Variants in FHOD3 observed in about 807,000 individuals in gnomAD.
FHOD3 encodes FH1/FH2 domain-containing protein 3.
A neutral mutation model predicts 173.0 loss-of-function variants in FHOD3; 90 were observed. That is an observed-to-expected ratio of 0.52 (90% CI 0.44 to 0.62). The LOEUF is 0.62. Among genes scored for constraint, FHOD3 ranks in the 20% least tolerant of loss-of-function variants. The pLI is 0.00. For missense variants in FHOD3, 1,945 were observed against 2,034.7 expected, an observed-to-expected ratio of 0.96 and a Z score of 0.85; for synonymous variants, 828 against 823.0, an observed-to-expected ratio of 1.01 and a Z score of -0.10.
At chr18:36,630,960 G>A (rs922518831) in intron 10 of FHOD3, among the ~76,000 whole-genome samples, 40 of 152,328 alleles carry the variant, frequency 2.6e-4, no homozygotes, top group African/African-American at 8.9e-4. Flanking sequence ...CTTGTAGTCA[G>A]GAGAACAGTA....
chr18:36,664,876 C>A (rs1266411530), intron 14 of FHOD3, among the ~76,000 whole-genome samples: 1 of 150,836 alleles, frequency 6.6e-6, no homozygotes, highest in East Asian at 2.0e-4. Context: ...GTAGCTCATG[C>A]CTATAATCCC....
chr18:36,348,990 G>A (rs1227340190), intron 1 of FHOD3, among the ~76,000 whole-genome samples: 1 of 152,216 alleles, frequency 6.6e-6, no homozygotes, highest in Non-Finnish European at 1.5e-5. Flanking sequence ...ATGAGAAGAG[G>A]AGGGTGACGT....
intron 9 of FHOD3, among the ~76,000 whole-genome samples, chr18:36,616,392 G>A (rs2033203793): frequency 2.0e-5 from 3 of 152,272 alleles, no homozygotes; most frequent in South Asian, 2.1e-4. Context: ...GAATAGCCTT[G>A]ATACCAACTC....
At chr18:36,556,900 CT>C (rs1405645132) in intron 5 of FHOD3, among the ~76,000 whole-genome samples, 7 of 152,246 alleles carry the variant, frequency 4.6e-5, no homozygotes, top group African/African-American at 1.2e-4. Context: ...CTGAACAGGT[CT>C]TTATTTCACC....
intron 5 of FHOD3, among the ~76,000 whole-genome samples, chr18:36,513,320 T>G (rs1261765429): frequency 6.6e-6 from 1 of 152,172 alleles, no homozygotes; most frequent in Non-Finnish European, 1.5e-5. Context: ...ATCTACATTT[T>G]CCAGTTGAAG....
Position 36,777,003 on chromosome 18 carries a change from T to G in FHOD3, c.4787-2445T>G, listed in dbSNP as rs187963053. Among the ~76,000 whole-genome samples, 216 of 152,210 alleles carry G rather than the reference T, an allele frequency of 1.4e-3. 1 individual carries two copies. The highest frequency in any genetic ancestry group is 4.9e-3 in the African/African-American group (203 of 41,554). ...TGAGCAGTTACAGGACTAAAGCAAA[T>G]GTGCAAACAGAATTGTTAAGCATCT... On this transcript the variant is annotated intron_variant, in intron 28 of 28. Transcript: ENST00000590592.
At position 36,707,896 on chromosome 18, in the gene FHOD3, A is replaced by G. The variant is rs555306847; in HGVS notation, c.2237-1199A>G. Among the ~76,000 whole-genome samples, 7 of 152,144 alleles carry G rather than the reference A, an allele frequency of 4.6e-5. No individual in the cohort carries two copies. In the East Asian group the frequency reaches 9.7e-4, roughly 21 times the overall value. The stretch of plus-strand genomic sequence containing the variant: ...CTAGGGTTCAAGCACACACCCTTAG[A>G]GTGCATTGCCAGGGTTCCAGAAGAG... On this transcript the variant is annotated intron_variant, in intron 17 of 28. Coordinates refer to ENST00000590592, the MANE Select transcript of FHOD3 (RefSeq NM_001281740.3).
Position 36,489,171 on chromosome 18 carries a change from T to C in FHOD3, c.338-12761T>C, listed in dbSNP as rs531890204. The stretch of plus-strand genomic sequence containing the variant: ...CAGAGAGGTGGACCTCACACCCAAC[T>C]GGAAGGGATGGTTTCCTGTGGATGC... On this transcript the variant is annotated intron_variant, in intron 3 of 28. Transcript: ENST00000590592. Among the ~76,000 whole-genome samples the C allele has an allele frequency of 3.3e-5, 5 of 152,300 alleles. No individual in the cohort carries two copies. The South Asian group carries it at 1.0e-3, about 32-fold the overall frequency.
At chr18:36,732,660 T>G (rs561095165) in intron 20 of FHOD3, among the ~76,000 whole-genome samples, 26 of 152,074 alleles carry the variant, frequency 1.7e-4, no homozygotes, top group Non-Finnish European at 3.8e-4. Flanking sequence ...GCAGGGGACA[T>G]GAAGGAGTGA....
intron 5 of FHOD3, among the ~76,000 whole-genome samples, chr18:36,557,835 T>C (rs891003950): frequency 3.9e-5 from 6 of 152,238 alleles, no homozygotes; most frequent in Non-Finnish European, 7.3e-5. Context: ...TTTGTCACAT[T>C]TGTTCTAAGG....
intron 24 of FHOD3, among the ~76,000 whole-genome samples, chr18:36,749,427 A>G (rs567583680): frequency 6.6e-6 from 1 of 152,192 alleles, no homozygotes; most frequent in African/African-American, 2.4e-5. Context: ...AGAACATGTG[A>G]TATTTGGTTT....
chr18:36,455,100 G>C (rs1037933712), intron 3 of FHOD3, among the ~76,000 whole-genome samples: 6 of 152,212 alleles, frequency 3.9e-5, no homozygotes, highest in Non-Finnish European at 8.8e-5. Flanking sequence ...GCTGGCCAGA[G>C]GTGTCAGCAA....
At chr18:36,518,692 T>A (rs1386738114) in intron 5 of FHOD3, among the ~76,000 whole-genome samples, 1 of 152,380 alleles carries the variant, frequency 6.6e-6, no homozygotes, top group East Asian at 1.9e-4. Context: ...CTGGCTTTTC[T>A]TGAAGTACTG....
At chr18:36,375,698 G>A (rs776094825) in intron 3 of FHOD3, among the ~76,000 whole-genome samples, 2 of 152,148 alleles carry the variant, frequency 1.3e-5, no homozygotes, top group Non-Finnish European at 2.9e-5. Context: ...CAACCCTCAC[G>A]AAAAATGAAG....
At chr18:36,547,452 T>C (rs570689826) in intron 5 of FHOD3, among the ~76,000 whole-genome samples, 4 of 152,308 alleles carry the variant, frequency 2.6e-5, no homozygotes, top group African/African-American at 9.6e-5. Flanking sequence ...TTTATATTTT[T>C]AGTAGAGAAG....
chr18:36,737,155 C>T (rs912528111), intron 20 of FHOD3, among the ~76,000 whole-genome samples: 5 of 152,046 alleles, frequency 3.3e-5, no homozygotes, highest in Admixed American at 6.6e-5. Flanking sequence ...AGGTGGCAAC[C>T]TCATAAATCT....
chr18:36,615,289 T>G (rs1295696344), intron 9 of FHOD3, among the ~76,000 whole-genome samples: 1 of 152,150 alleles, frequency 6.6e-6, no homozygotes, highest in Non-Finnish European at 1.5e-5. Flanking sequence ...ATCAGTCTTA[T>G]TAATAGTAAT....
At chr18:36,363,551 C>G (rs1409726361) in intron 2 of FHOD3, among the ~76,000 whole-genome samples, 2 of 152,168 alleles carry the variant, frequency 1.3e-5, no homozygotes, top group African/African-American at 2.4e-5. Flanking sequence ...GAAAAAGCTA[C>G]ATACTGTGAG....
intron 24 of FHOD3, among the ~76,000 whole-genome samples, chr18:36,754,889 C>T (rs1490573244): frequency 6.6e-6 from 1 of 151,448 alleles, no homozygotes; most frequent in African/African-American, 2.4e-5. Context: ...CTTCTGTTTG[C>T]ATTTTCACTT....
Sources: gnomAD v4.1 joint callset for allele counts (sites outside exome capture counted in the v4.1 genomes callset) on GRCh38, gnomAD v4.1.1 for gene constraint, MANE v1.5 for transcripts, NCBI Gene and HGNC (gene_info 2026-07-23, HGNC 2026-07-21) for gene names.